TEAD1: variants seen among roughly 807,000 people sequenced by gnomAD.
TEAD1 encodes transcriptional enhancer factor TEF-1.
In TEAD1, 9 loss-of-function variants were observed where a neutral mutation model predicts 54.9. The ratio of observed to expected loss-of-function variants is 0.16; its 90% CI spans 0.10 to 0.29. TEAD1 has a LOEUF of 0.29. Among genes scored for constraint, TEAD1 ranks in the 10% least tolerant of loss-of-function variants. The probability of loss-of-function intolerance (pLI) is 1.00; values close to 1 mark genes in which losing one functional copy is unlikely to be tolerated. For missense variants in TEAD1, 387 were observed against 535.9 expected (o/e 0.72, Z 2.74); for synonymous variants, 200 against 187.8 (o/e 1.07, Z -0.53).
intron 9 of TEAD1, among the ~76,000 whole-genome samples, chr11:12,899,852 T>TA (rs932318409): frequency 2.6e-5 from 4 of 152,168 alleles, no homozygotes; most frequent in African/African-American, 9.7e-5. Context: ...CTCCAAAAGA[T>TA]ACTGGCCTCA....
intron 2 of TEAD1, among the ~76,000 whole-genome samples, chr11:12,726,478 G>C (rs1944315716): frequency 1.3e-5 from 2 of 152,224 alleles, no homozygotes; most frequent in African/African-American, 4.8e-5. Flanking sequence ...TTCAGCACTA[G>C]GAAGGTGGCT....
intron 3 of TEAD1, among the ~76,000 whole-genome samples, chr11:12,785,823 T>G (rs1016530279): frequency 2.0e-5 from 3 of 152,232 alleles, no homozygotes; most frequent in Admixed American, 6.5e-5. Flanking sequence ...CCATGACTAT[T>G]CAGAACCTAG....
At chr11:12,916,206 A>G (rs1429327711) in intron 10 of TEAD1, among the ~76,000 whole-genome samples, 4 of 152,098 alleles carry the variant, frequency 2.6e-5, no homozygotes, top group Non-Finnish European at 5.9e-5. Flanking sequence ...CCTTTTGAGA[A>G]ATTTATACCT....
At chr11:12,917,330 C>G (rs1948733344) in intron 10 of TEAD1, among the ~76,000 whole-genome samples, 1 of 152,170 alleles carries the variant, frequency 6.6e-6, no homozygotes, top group Non-Finnish European at 1.5e-5. Context: ...TTCAGAGCCT[C>G]TGTCTAGTAA....
intron 2 of TEAD1, among the ~76,000 whole-genome samples, chr11:12,701,705 C>G (rs1320575797): frequency 6.6e-6 from 1 of 152,082 alleles, no homozygotes. Context: ...GGGGACCATT[C>G]CAGTCTAAAA....
At chr11:12,892,127 C>T (rs1000950759) in intron 9 of TEAD1, among the ~76,000 whole-genome samples, 10 of 152,290 alleles carry the variant, frequency 6.6e-5, no homozygotes, top group South Asian at 4.1e-4. Context: ...GTTGGTCAAA[C>T]GTGGGCCCAA....
At chr11:12,686,805 T>C (rs146226061) in intron 2 of TEAD1, among the ~76,000 whole-genome samples, 171 of 152,350 alleles carry the variant, frequency 1.1e-3, no homozygotes, top group African/African-American at 4.0e-3. Context: ...CCAAAAGTAA[T>C]TGGAATGACA....
chr11:12,709,652 C>T (rs1023256646), intron 2 of TEAD1, among the ~76,000 whole-genome samples: 14 of 152,136 alleles, frequency 9.2e-5, no homozygotes, highest in African/African-American at 3.1e-4. Flanking sequence ...GTAGCTAGAA[C>T]TACAGGTGCA....
In TEAD1 at chr11:12,764,227, G is replaced by A. The variant is rs769855203; in HGVS notation, c.-6G>A. Reference sequence around the variant, plus strand: ...AGGCTTCGGCTTGGAAAATCCCACCGCCAAAATTGAGCCCAGCAGCTGGAG... The same window carrying A: ...AGGCTTCGGCTTGGAAAATCCCACCACCAAAATTGAGCCCAGCAGCTGGAG... On this transcript the variant is annotated 5_prime_UTR_variant, in exon 3 of 13. Coordinates refer to ENST00000527636, the MANE Select transcript of TEAD1 (RefSeq NM_021961.6). The A allele has an allele frequency of 7.4e-6, 12 of 1,612,230 alleles. No homozygotes were observed. The highest frequency in any genetic ancestry group is 2.2e-5 in the South Asian group (2 of 90,768).
intron 5 of TEAD1, among the ~76,000 whole-genome samples, chr11:12,874,040 A>G (rs557900649): frequency 2.6e-5 from 4 of 152,166 alleles, no homozygotes; most frequent in African/African-American, 9.6e-5. Flanking sequence ...TTTCTGACGT[A>G]TTTGATGGAC....
At chr11:12,812,638 A>G (rs1946328276) in intron 3 of TEAD1, among the ~76,000 whole-genome samples, 1 of 152,228 alleles carries the variant, frequency 6.6e-6, no homozygotes, top group African/African-American at 2.4e-5. Context: ...TATAAAACCT[A>G]TGAAATTTAT....
At chr11:12,754,059 C>T (rs552884645) in intron 2 of TEAD1, among the ~76,000 whole-genome samples, 1 of 152,270 alleles carries the variant, frequency 6.6e-6, no homozygotes, top group East Asian at 1.9e-4. Flanking sequence ...GAGTTTGTTT[C>T]TAGATTCTCT....
chr11:12,840,810 C>T (rs1383181575), intron 3 of TEAD1, among the ~76,000 whole-genome samples: 1 of 152,116 alleles, frequency 6.6e-6, no homozygotes, highest in African/African-American at 2.4e-5. Flanking sequence ...GGATGAGATA[C>T]CCAGTGGCTT....
At position 12,869,972 on chromosome 11, in the gene TEAD1, C is replaced by T. The variant is rs369909608; in HGVS notation, c.330+5072C>T. Among the ~76,000 whole-genome samples, 11 of 152,172 alleles carry T rather than the reference C, an allele frequency of 7.2e-5. No homozygotes were observed. The South Asian group carries it at 1.2e-3, about 17-fold the overall frequency. On this transcript the variant is annotated intron_variant, in intron 5 of 12. Coordinates refer to ENST00000527636, the MANE Select transcript of TEAD1 (RefSeq NM_021961.6). ...TCGGCTCATTGCAACCTCCGCCTCC[C>T]GGGTTCAAGCGATTCTCCTGCCTCA...
At chr11:12,821,771 C>T (rs1302696475) in intron 3 of TEAD1, among the ~76,000 whole-genome samples, 1 of 151,872 alleles carries the variant, frequency 6.6e-6, no homozygotes, top group Non-Finnish European at 1.5e-5. Flanking sequence ...TATGAATTAT[C>T]CAGTATTAGC....
chr11:12,788,047 C>T (rs1339629640), intron 3 of TEAD1, among the ~76,000 whole-genome samples: 1 of 151,612 alleles, frequency 6.6e-6, no homozygotes, highest in Non-Finnish European at 1.5e-5. Flanking sequence ...ACTGCAACCT[C>T]CGCCTCCAGA....
chr11:12,743,084 T>C lies in TEAD1; in HGVS notation c.-54-21095T>C, dbSNP rs1274418827. Among the ~76,000 whole-genome samples, 3 of 152,380 alleles carry C rather than the reference T, an allele frequency of 2.0e-5. No homozygotes were observed. The East Asian group carries it at 5.8e-4, about 29-fold the overall frequency. ...GACCTCTTGTTTGTCCTTCTCTTTC[T>C]TGGCTGGTGTTCTTGCCTTGGCATC... On this transcript the variant is annotated intron_variant, in intron 2 of 12. Transcript: ENST00000527636.
intron 2 of TEAD1, among the ~76,000 whole-genome samples, chr11:12,678,973 C>T (rs1943158112): frequency 6.6e-6 from 1 of 152,152 alleles, no homozygotes; most frequent in Non-Finnish European, 1.5e-5. Context: ...ATGTTTCTTA[C>T]AAGGGTAGGT....
intron 2 of TEAD1, among the ~76,000 whole-genome samples, chr11:12,679,972 G>A (rs1943182144): frequency 6.6e-6 from 1 of 152,132 alleles, no homozygotes; most frequent in Non-Finnish European, 1.5e-5. Flanking sequence ...TTGAAAACCA[G>A]TGTTTTTCTA....
Sources: gnomAD v4.1 joint callset for allele counts (sites outside exome capture counted in the v4.1 genomes callset) on GRCh38, gnomAD v4.1.1 for gene constraint, MANE v1.5 for transcripts, NCBI Gene and HGNC (gene_info 2026-07-23, HGNC 2026-07-21) for gene names.